The following CADM2 variants were observed in gnomAD, a reference collection of about 807,000 sequenced individuals.
The protein encoded by CADM2 is cell adhesion molecule 2, also known as immunoglobulin superfamily member 4D.
In CADM2, 12 loss-of-function variants were observed where a neutral mutation model predicts 49.8. The ratio of observed to expected loss-of-function variants is 0.24; its 90% CI spans 0.15 to 0.39. The LOEUF (loss-of-function observed/expected upper bound fraction) is 0.39, where lower values mean the gene tolerates loss of function less well. Ranked by LOEUF, CADM2 falls within the 10% of genes least tolerant of loss-of-function variation. CADM2 has a pLI of 1.00. For missense variants in CADM2, 378 were observed against 492.3 expected (o/e 0.77, Z 2.20); for synonymous variants, 214 against 175.4 (o/e 1.22, Z -1.74).
intron 1 of CADM2, among the ~76,000 whole-genome samples, chr3:85,695,259 C>T (rs1008317338): frequency 8.6e-5 from 13 of 152,014 alleles, no homozygotes; most frequent in African/African-American, 1.9e-4. Flanking sequence ...TCATGAAATT[C>T]GGGCTTTTAG....
At position 85,568,489 on chromosome 3, in the gene CADM2, TTCTTTCTTTC is replaced by T. The variant is rs1559916187; in HGVS notation, c.62-158031_62-158022del. ...TCTTTCTCTCTCTTTCTTTCTTTCTTTCTTTCTTTCTTTCTTTCTTTCTTTCCTCCCTCCC... is the reference window on the plus strand; with the variant it reads ...TCTTTCTCTCTCTTTCTTTCTTTCTTTTTCTTTCTTTCTTTCCTCCCTCCC... On this transcript the variant is annotated intron_variant, in intron 1 of 9. Coordinates refer to ENST00000383699, the MANE Select transcript of CADM2 (RefSeq NM_001167675.2). Among the ~76,000 whole-genome samples, 59 of 65,042 alleles carry T rather than the reference TTCTTTCTTTC, an allele frequency of 9.1e-4. 3 individuals are homozygous for T. The highest frequency in any genetic ancestry group is 2.5e-3 in the East Asian group (2 of 816). The allele number at this position is 65,042 out of a possible 152,430, so 42.7% of individuals were successfully genotyped here.
At chr3:85,595,967 CT>C (rs1371387025) in intron 1 of CADM2, among the ~76,000 whole-genome samples, 1 of 151,762 alleles carries the variant, frequency 6.6e-6, no homozygotes, top group African/African-American at 2.4e-5. Flanking sequence ...GACTTGGTCC[CT>C]AAAAATCACC....
chr3:85,872,416 C>A (rs2075964557), intron 3 of CADM2, among the ~76,000 whole-genome samples: 1 of 151,620 alleles, frequency 6.6e-6, no homozygotes, highest in African/African-American at 2.4e-5. Context: ...TCACATGTGT[C>A]TAATTTGATG....
intron 1 of CADM2, among the ~76,000 whole-genome samples, chr3:85,454,610 A>G (rs192671159): frequency 6.6e-6 from 1 of 152,264 alleles, no homozygotes; most frequent in Non-Finnish European, 1.5e-5. Context: ...TGGGGATCAA[A>G]TTACCCATTA....
intron 1 of CADM2, among the ~76,000 whole-genome samples, chr3:85,158,415 A>C (rs1284601609): frequency 6.6e-6 from 1 of 152,250 alleles, no homozygotes; most frequent in Non-Finnish European, 1.5e-5. Context: ...GGCAGTATTC[A>C]CAATAGCAAA....
intron 1 of CADM2, among the ~76,000 whole-genome samples, chr3:85,240,796 A>G (rs2042514533): frequency 1.3e-5 from 2 of 151,438 alleles, no homozygotes; most frequent in African/African-American, 4.8e-5. Context: ...TGCACCTATT[A>G]TTTTGTAATT....
intron 1 of CADM2, among the ~76,000 whole-genome samples, chr3:85,581,888 C>A (rs576926700): frequency 6.7e-6 from 1 of 149,222 alleles, no homozygotes; most frequent in African/African-American, 2.4e-5. Flanking sequence ...GAATTTTAAA[C>A]CATGCTATTT....
chr3:85,415,996 G>A (rs2107483620), intron 1 of CADM2, among the ~76,000 whole-genome samples: 1 of 152,014 alleles, frequency 6.6e-6, no homozygotes, highest in Non-Finnish European at 1.5e-5. Flanking sequence ...TAGAAGCTAA[G>A]GAATTAAAAT....
intron 1 of CADM2, among the ~76,000 whole-genome samples, chr3:85,550,536 T>C (rs1396113577): frequency 1.3e-5 from 2 of 152,208 alleles, no homozygotes. Flanking sequence ...TGGTACACTC[T>C]CAAGTTTGGG....
At chr3:86,063,354 A>T (rs1478082099) in intron 8 of CADM2, among the ~76,000 whole-genome samples, 2 of 152,242 alleles carry the variant, frequency 1.3e-5, no homozygotes, top group Middle Eastern at 3.2e-3. Flanking sequence ...AATGGTATAC[A>T]CAGGGTAATC....
chr3:85,901,190 A>G (rs1013541669), intron 5 of CADM2, among the ~76,000 whole-genome samples: 15 of 152,152 alleles, frequency 9.9e-5, no homozygotes, highest in Non-Finnish European at 7.4e-5. Flanking sequence ...GCAAAACTCC[A>G]TCTCAAAAAA....
chr3:85,777,804 T>C (rs1395118618), intron 2 of CADM2, among the ~76,000 whole-genome samples: 1 of 152,192 alleles, frequency 6.6e-6, no homozygotes, highest in African/African-American at 2.4e-5. Context: ...AAGCTTTTTA[T>C]GTGTTCCAGT....
chr3:85,817,742 A>G (rs1328899696), intron 3 of CADM2, among the ~76,000 whole-genome samples: 1 of 152,052 alleles, frequency 6.6e-6, no homozygotes, highest in Non-Finnish European at 1.5e-5. Flanking sequence ...ACCTTCTTGA[A>G]GTGGAGCTTG....
intron 8 of CADM2, among the ~76,000 whole-genome samples, chr3:86,021,569 A>G (rs1225523858): frequency 6.6e-6 from 1 of 152,116 alleles, no homozygotes; most frequent in Non-Finnish European, 1.5e-5. Flanking sequence ...AGCTTAATGT[A>G]TGGTTTCAAG....
intron 1 of CADM2, among the ~76,000 whole-genome samples, chr3:85,308,850 C>T (rs1015485880): frequency 6.6e-6 from 1 of 152,036 alleles, no homozygotes; most frequent in South Asian, 2.1e-4. Flanking sequence ...TAGGCAACTA[C>T]GTCTCCAAGG....
At chr3:85,253,516 A>G (rs1393924961) in intron 1 of CADM2, among the ~76,000 whole-genome samples, 1 of 152,032 alleles carries the variant, frequency 6.6e-6, no homozygotes, top group Non-Finnish European at 1.5e-5. Flanking sequence ...CTCAACCTGC[A>G]TTTATCTTTC....
chr3:85,592,117 A>G (rs1576884422), intron 1 of CADM2, among the ~76,000 whole-genome samples: 2 of 152,042 alleles, frequency 1.3e-5, no homozygotes, highest in African/African-American at 4.8e-5. Context: ...GAGTAAATTT[A>G]TAATATGATT....
At chr3:85,636,974 C>T (rs2064507585) in intron 1 of CADM2, among the ~76,000 whole-genome samples, 1 of 152,082 alleles carries the variant, frequency 6.6e-6, no homozygotes, top group Non-Finnish European at 1.5e-5. Context: ...CTTGTTAGTT[C>T]ATTAGAGAGG....
At chr3:85,144,035 T>G (rs1225337411) in intron 1 of CADM2, among the ~76,000 whole-genome samples, 1 of 152,178 alleles carries the variant, frequency 6.6e-6, no homozygotes, top group Non-Finnish European at 1.5e-5. Context: ...CATCTCTCCC[T>G]GAAGTACTTT....
Sources: allele counts gnomAD v4.1 joint callset (sites outside exome capture counted in the v4.1 genomes callset), GRCh38; gene constraint gnomAD v4.1.1; transcripts MANE v1.5; gene names NCBI Gene and HGNC (gene_info 2026-07-23, HGNC 2026-07-21).